SLC35F3: variants seen among roughly 807,000 people sequenced by gnomAD.
SLC35F3 encodes solute carrier family 35 member F3, also known as putative thiamine transporter SLC35F3.
In SLC35F3, 25 loss-of-function variants were observed where a neutral mutation model predicts 49.9. The ratio of observed to expected loss-of-function variants is 0.50; its 90% confidence interval spans 0.37 to 0.70. SLC35F3 has a LOEUF of 0.70. Ranked by LOEUF, SLC35F3 falls within the 30% of genes least tolerant of loss-of-function variation. The pLI, the probability that SLC35F3 is intolerant of heterozygous loss-of-function variation, is 0.00. For missense variants in SLC35F3, 525 were observed against 639.8 expected, an observed-to-expected ratio of 0.82 and a Z score of 1.94; for synonymous variants, 275 against 265.4, an observed-to-expected ratio of 1.04 and a Z score of -0.35.
intron 3 of SLC35F3, among the ~76,000 whole-genome samples, chr1:234,255,003 G>T (rs188819165): frequency 6.6e-5 from 10 of 152,146 alleles, no homozygotes; most frequent in Non-Finnish European, 1.3e-4. Context: ...TTTGTTTTGC[G>T]TAATTTATTT....
chr1:233,916,225 G>A (rs1227993341), intron 2 of SLC35F3, among the ~76,000 whole-genome samples: 2 of 152,118 alleles, frequency 1.3e-5, no homozygotes, highest in Admixed American at 1.3e-4. Flanking sequence ...TCGACATTTT[G>A]TTTTATTAAC....
At chr1:233,963,207 T>C (rs534815450) in intron 2 of SLC35F3, among the ~76,000 whole-genome samples, 189 of 152,342 alleles carry the variant, frequency 1.2e-3, no homozygotes, top group African/African-American at 4.4e-3. Flanking sequence ...TACTTCTGCC[T>C]TTCACATATC....
chr1:233,906,842 TAGTTTA>T (rs1257666434), intron 2 of SLC35F3, among the ~76,000 whole-genome samples: 3 of 152,250 alleles, frequency 2.0e-5, no homozygotes, highest in African/African-American at 7.2e-5. Context: ...GTTAGCTGGT[TAGTTTA>T]AAATTATTTG....
intron 2 of SLC35F3, among the ~76,000 whole-genome samples, chr1:234,170,275 G>C (rs1387467509): frequency 6.6e-6 from 1 of 152,184 alleles, no homozygotes; most frequent in African/African-American, 2.4e-5. Context: ...ATTATAGAGG[G>C]GGGCACGGCA....
intron 2 of SLC35F3, among the ~76,000 whole-genome samples, chr1:233,915,316 A>C (rs1233401693): frequency 6.6e-6 from 1 of 152,204 alleles, no homozygotes; most frequent in Non-Finnish European, 1.5e-5. Flanking sequence ...TTCTTAGTGT[A>C]TGTCAATTTC....
intron 2 of SLC35F3, among the ~76,000 whole-genome samples, chr1:234,026,473 G>A (rs1663980511): frequency 6.6e-6 from 1 of 152,150 alleles, no homozygotes; most frequent in South Asian, 2.1e-4. Flanking sequence ...AAAGACAAAG[G>A]CCTTTATACA....
At chr1:234,305,510 G>C (rs1172444040) in intron 3 of SLC35F3, among the ~76,000 whole-genome samples, 2 of 151,358 alleles carry the variant, frequency 1.3e-5, no homozygotes, top group Non-Finnish European at 2.9e-5. Flanking sequence ...AGTCTCCCAA[G>C]TAGCTGGGAC....
chr1:234,294,457 C>T (rs1306641396), intron 3 of SLC35F3, among the ~76,000 whole-genome samples: 1 of 152,132 alleles, frequency 6.6e-6, no homozygotes, highest in Admixed American at 6.5e-5. Context: ...AATCAGGAGC[C>T]CCTAGTTCTA....
chr1:233,926,562 T>A (rs1662163421), intron 2 of SLC35F3, among the ~76,000 whole-genome samples: 1 of 152,168 alleles, frequency 6.6e-6, no homozygotes, highest in South Asian at 2.1e-4. Context: ...TTTAGCTTCT[T>A]TGTGATGGGT....
chr1:234,252,322 A>G (rs1299898806), intron 3 of SLC35F3, among the ~76,000 whole-genome samples: 1 of 152,182 alleles, frequency 6.6e-6, no homozygotes, highest in Non-Finnish European at 1.5e-5. Flanking sequence ...CGCCCACCTC[A>G]GCCTTCCAAA....
chr1:234,149,670 G>C (rs1666043678), intron 2 of SLC35F3, among the ~76,000 whole-genome samples: 1 of 152,066 alleles, frequency 6.6e-6, no homozygotes, highest in African/African-American at 2.4e-5. Context: ...AACGCCCTGA[G>C]AGCTATGTTT....
chr1:234,251,227 G>A (rs1010341114), intron 3 of SLC35F3, among the ~76,000 whole-genome samples: 2 of 152,056 alleles, frequency 1.3e-5, no homozygotes, highest in African/African-American at 4.8e-5. Flanking sequence ...GAAATAGCAA[G>A]GACTGGTTTG....
At chr1:233,909,007 C>T (rs57616349) in intron 2 of SLC35F3, among the ~76,000 whole-genome samples, 25 of 150,982 alleles carry the variant, frequency 1.7e-4, no homozygotes, top group African/African-American at 5.6e-4. Flanking sequence ...TACAGGCACC[C>T]ACCACCATGC....
At position 233,905,562 on chromosome 1, in the gene SLC35F3, G is replaced by C; in HGVS notation, c.87G>C (p.Arg29=). ...GMRRSPDVSP[R]RLSDISPQLR... is the part of the protein sequence containing the mutation. ...GGAGGTCACCGGACGTCAGCCCCCG[G>C]AGACTGTCCGACATCAGCCCCCAGC... The change falls in exon 2 of 8, where the codon CGG becomes CGC. Residue 29 remains arginine (R), a synonymous_variant. Coordinates refer to ENST00000366618, the MANE Select transcript of SLC35F3 (RefSeq NM_173508.4). 1 of 1,614,064 alleles carries C rather than the reference G, an allele frequency of 6.2e-7. No individual in the cohort carries two copies. Among genetic ancestry groups the C allele is most frequent in the African/African-American group, 1.3e-5 (1 of 75,062 alleles).
chr1:234,261,546 A>T (rs996342204), intron 3 of SLC35F3, among the ~76,000 whole-genome samples: 1 of 152,156 alleles, frequency 6.6e-6, no homozygotes, highest in Non-Finnish European at 1.5e-5. Context: ...ATCAGCTGTC[A>T]CTTTTGTCAC....
At chr1:234,162,113 T>G (rs1666237072) in intron 2 of SLC35F3, among the ~76,000 whole-genome samples, 1 of 151,998 alleles carries the variant, frequency 6.6e-6, no homozygotes, top group Non-Finnish European at 1.5e-5. Flanking sequence ...AGAAAACCCA[T>G]AAGTTCTTGA....
intron 2 of SLC35F3, among the ~76,000 whole-genome samples, chr1:233,927,260 G>A (rs1479307286): frequency 6.6e-6 from 1 of 151,902 alleles, no homozygotes; most frequent in Non-Finnish European, 1.5e-5. Flanking sequence ...AACTCCTTTG[G>A]GTAAATGTTA....
chr1:234,197,797 A>G (rs183748220), intron 2 of SLC35F3, among the ~76,000 whole-genome samples: 1 of 152,372 alleles, frequency 6.6e-6, no homozygotes, highest in East Asian at 1.9e-4. Flanking sequence ...AATTTGAGGG[A>G]AAAGAAATTT....
intron 3 of SLC35F3, among the ~76,000 whole-genome samples, chr1:234,308,708 C>T (rs1049280720): frequency 1.3e-5 from 2 of 150,646 alleles, no homozygotes; most frequent in South Asian, 2.1e-4. Flanking sequence ...CCTCCATTAC[C>T]GTCCTTCTCC....
Sources: allele counts gnomAD v4.1 joint callset (sites outside exome capture counted in the v4.1 genomes callset), GRCh38; gene constraint gnomAD v4.1.1; transcripts MANE v1.5; gene names NCBI Gene and HGNC (gene_info 2026-07-23, HGNC 2026-07-21).